RTKN: variants seen among roughly 807,000 people sequenced by gnomAD.
RTKN encodes the protein rhotekin.
A neutral mutation model predicts 63.5 loss-of-function variants in RTKN; 49 were observed. The ratio of observed to expected loss-of-function variants is 0.77; its 90% CI spans 0.61 to 0.98. The LOEUF (loss-of-function observed/expected upper bound fraction) is 0.98. RTKN is among the 50% of genes least tolerant of loss of function. The pLI, the probability that RTKN is intolerant of heterozygous loss-of-function variation, is 0.00. For synonymous variants in RTKN, 295 were observed against 290.4 expected, an observed-to-expected ratio of 1.02 and a Z score of -0.16; for missense variants, 685 against 740.8, an observed-to-expected ratio of 0.92 and a Z score of 0.87.
At chr2:74,427,360 C>G in intron 10 of RTKN, 64 bp downstream of exon 10, 1 of 1,607,620 alleles carries the variant, frequency 6.2e-7, no homozygotes, top group Non-Finnish European at 8.5e-7. Context: ...AAACAGAGGC[C>G]TTTAGTAAAA....
chr2:74,441,521 C>T (rs1671364829), intron 1 of RTKN, among the ~76,000 whole-genome samples, 185 bp downstream of exon 1: 1 of 152,240 alleles, frequency 6.6e-6, no homozygotes, highest in Non-Finnish European at 1.5e-5. Context: ...GAATGGGCAG[C>T]ATGGATCCGA....
Position 74,432,264 on chromosome 2 carries a change from A to T in RTKN, c.311+203T>A, listed in dbSNP as rs938150611. 4.3e-6 allele frequency: 3 copies of T among 704,956 alleles called. No homozygotes were observed. The South Asian group carries it at 4.5e-5, about 10-fold the overall frequency. 43.7% of individuals were successfully genotyped at this position (704,956 alleles called of 1,614,324 possible). On this transcript the variant is annotated intron_variant, in intron 2 of 11. Coordinates refer to ENST00000272430, the MANE Select transcript of RTKN (RefSeq NM_001015055.2). ...TTTCACCAGACACACCGACTTTTCT[A>T]AGTCCTGCCCTGGCTACTCACAAAT...
intron 1 of RTKN, among the ~76,000 whole-genome samples, chr2:74,438,712 C>G (rs1367746294): frequency 6.6e-6 from 1 of 152,202 alleles, no homozygotes; most frequent in Non-Finnish European, 1.5e-5. Flanking sequence ...AGGGCCTTTG[C>G]CCTTCCTCCA....
At position 74,427,208 on chromosome 2, in the gene RTKN, G is replaced by A; in HGVS notation, c.1321C>T (p.Gln441Ter). 1 of 1,614,124 alleles carries A rather than the reference G, an allele frequency of 6.2e-7. No homozygotes were observed. Among genetic ancestry groups the A allele is most frequent in the Admixed American group, 1.7e-5 (1 of 60,014 alleles). Residue 441 changes from glutamine to a stop codon, truncating the protein, a stop_gained, in exon 11 of 12, where the codon CAA becomes TAA. Coordinates refer to ENST00000272430, the MANE Select transcript of RTKN (RefSeq NM_001015055.2). LOFTEE classifies it high-confidence loss of function. ...AAGGACCCCTGCTTTGCCAGTGCTT[G>A]GGGTGGTTTCCGGGGAGCAGGAGTT... Reference protein sequence around the residue: ...IETPAPRKPPQALAKQGSLYH... With the variant: ...IETPAPRKPP
chr2:74,439,021 C>T (rs926579995), intron 1 of RTKN, among the ~76,000 whole-genome samples: 3 of 152,156 alleles, frequency 2.0e-5, no homozygotes, highest in Non-Finnish European at 2.9e-5. Flanking sequence ...CAGTGGCTCA[C>T]GCCTGTAATC....
In RTKN at chr2:74,432,568, C is replaced by G; in HGVS notation, c.210G>C (p.Glu70Asp). 2 of 1,614,040 alleles carry G rather than the reference C, an allele frequency of 1.2e-6. No homozygotes were observed. Residue 70 changes from glutamate (E) to aspartate (D), a missense_variant, in exon 2 of 12, where the codon GAG (glutamate) becomes GAC (aspartate). Transcript: ENST00000272430. ...AACSQREQAL[E>D]ATKSLLVCNS... ...TGCACACTAGCAGGCTCTTGGTGGC[C>G]TCCAGAGCCTGCTCTCGCTGGGAGC... is the stretch of plus-strand genomic sequence containing the variant.
chr2:74,428,168 G>A (rs1670520891), intron 9 of RTKN, 100 bp downstream of exon 9: 7 of 1,524,460 alleles, frequency 4.6e-6, no homozygotes, highest in Non-Finnish European at 6.3e-6. Flanking sequence ...CAGGAGGCCT[G>A]CTTCTATCTC....
chr2:74,440,203 GA>G, intron 1 of RTKN: 3 of 460,978 alleles, frequency 6.5e-6, no homozygotes, highest in Non-Finnish European at 5.8e-6. Flanking sequence ...AGAAAGTTGG[GA>G]AAAAGAGCCA....
At chr2:74,432,380 G>T (rs756040454) in intron 2 of RTKN, 87 bp downstream of exon 2, 1 of 1,265,606 alleles carries the variant, frequency 7.9e-7, no homozygotes, top group Non-Finnish European at 1.1e-6. Flanking sequence ...CTTTAAGGTG[G>T]TCCACATGCC....
Position 74,427,546 on chromosome 2 carries a change from G to A in RTKN, c.1133C>T (p.Pro378Leu), listed in dbSNP as rs1479671212. The change falls in exon 10 of 12, where the codon CCC becomes CTC. Residue 378 changes from proline to leucine, a missense_variant. Coordinates refer to ENST00000272430, the MANE Select transcript of RTKN (RefSeq NM_001015055.2). ...CTGGTTACTGATGCTTAGGGTGAAGGGCCGTCCTAGAGCCTGGTCCAGCTC... is the reference window on the plus strand; with the variant it reads ...CTGGTTACTGATGCTTAGGGTGAAGAGCCGTCCTAGAGCCTGGTCCAGCTC... ...AGELDQALGR[P>L]FTLSISNQYG... 2.5e-6 allele frequency: 4 copies of A among 1,613,740 alleles called. No individual in the cohort carries two copies. The highest frequency in any genetic ancestry group is 3.4e-6 in the Non-Finnish European group (4 of 1,180,030).
rs749234753 is a variant in RTKN, at chr2:74,426,395, C to A, written c.1540G>T (p.Gly514Trp). 2.5e-6 allele frequency: 4 copies of A among 1,611,690 alleles called. No individual in the cohort carries two copies. The Admixed American group carries it at 6.7e-5, about 27-fold the overall frequency. Residue 514 changes from glycine (G) to tryptophan (W), a missense_variant, in exon 12 of 12, where the codon GGG becomes TGG. Physicochemically the swap from Gly to Trp is radical, Grantham distance 184 (BLOSUM62 -2). Coordinates refer to ENST00000272430, the MANE Select transcript of RTKN (RefSeq NM_001015055.2). ...TCCAGGGAAAAGGTTCGGGGTCTCCCCCAGGGCAGGGGGTGGGTCCAGTCT... is the reference window on the plus strand; with the variant it reads ...TCCAGGGAAAAGGTTCGGGGTCTCCACCAGGGCAGGGGGTGGGTCCAGTCT... The part of the protein sequence containing the change: ...APDWTHPLPW[G>W]RPRTFSLDAV...
intron 2 of RTKN, chr2:74,431,977 C>G (rs1408453080): frequency 4.4e-6 from 1 of 228,866 alleles, no homozygotes; most frequent in Non-Finnish European, 8.8e-6. Flanking sequence ...GAAGCTGAGC[C>G]CTTTTAGAAT....
rs1346924112 is a variant in RTKN at position 74,436,443 on chromosome 2, C to G, written c.112-3777G>C. ...TCCGGGCACCTGGCTGGGCTTGGCT[C>G]AAGGCGGTGCCTCCACCGAGACTCC... On this transcript the variant is annotated intron_variant, in intron 1 of 11. Coordinates refer to ENST00000272430, the MANE Select transcript of RTKN (RefSeq NM_001015055.2). This position sits in a 1 kb window ranked among gnomAD's most constrained non-coding sequence, Gnocchi z 4.3. Among the ~76,000 whole-genome samples, 1 of 151,602 alleles carries G rather than the reference C, an allele frequency of 6.6e-6. No homozygotes were observed. The highest frequency in any genetic ancestry group is 1.5e-5 in the Non-Finnish European group (1 of 67,800).
chr2:74,430,488 G>A lies in RTKN; in HGVS notation c.404C>T (p.Thr135Ile). The change falls in exon 4 of 12, where the codon ACA (threonine) becomes ATA (isoleucine). Residue 135 changes from threonine (T) to isoleucine (I), a missense_variant. By Grantham distance (89) the Thr-to-Ile change is moderately conservative. Coordinates refer to ENST00000272430, the MANE Select transcript of RTKN (RefSeq NM_001015055.2). ...ACCACCTTTGTTCTTGAAATATTCT[G>A]TGTCCTTCCACATGAGTGGAATCCG... Reference protein sequence around the residue: ...DLRIPLMWKDTEYFKNKGDLH... With the variant: ...DLRIPLMWKDIEYFKNKGDLH... 6.2e-7 allele frequency: 1 copy of A among 1,614,208 alleles called. No individual in the cohort carries two copies. The highest frequency in any genetic ancestry group is 1.3e-5 in the African/African-American group (1 of 75,044).
intron 1 of RTKN, among the ~76,000 whole-genome samples, chr2:74,433,778 C>G (rs1015148854): frequency 1.3e-5 from 2 of 152,176 alleles, no homozygotes; most frequent in African/African-American, 4.8e-5. Flanking sequence ...CAGGCGTGAG[C>G]CACCGCGCCC....
In RTKN at chr2:74,427,445, A is replaced by G; in HGVS notation, c.1234T>C (p.Trp412Arg). 6.2e-7 allele frequency: 1 copy of G among 1,614,190 alleles called. No homozygotes were observed. Residue 412 changes from tryptophan (W) to arginine (R), a missense_variant, in exon 10 of 12, where the codon TGG becomes CGG. Physicochemically the swap from Trp to Arg is moderately radical, Grantham distance 101. Transcript: ENST00000272430. Reference sequence around the variant, plus strand: ...TTACTCATGTCAAAGAAAAGCTGCCACAGAGCCTCCATCCAGCTCTGCAGT... The same window carrying G: ...TTACTCATGTCAAAGAAAAGCTGCCGCAGAGCCTCCATCCAGCTCTGCAGT... ...EALQSWMEALWQLFFDMSQWK... is the reference protein window; with the variant it reads ...EALQSWMEALRQLFFDMSQWK...
At chr2:74,440,527 C>T (rs933425388) in intron 1 of RTKN, 287 of 986,214 alleles carry the variant, frequency 2.9e-4, no homozygotes, top group Non-Finnish European at 3.1e-4. Context: ...CGGAGTCACA[C>T]TTCACTCGGC....
intron 1 of RTKN, chr2:74,440,076 G>A: frequency 1.3e-6 from 1 of 795,168 alleles, no homozygotes; most frequent in Non-Finnish European, 1.6e-6. Flanking sequence ...TGCGGAGAGG[G>A]CAGTGAGGGG....
chr2:74,430,150 C>T (rs1670664311), intron 5 of RTKN, 102 bp downstream of exon 5: 2 of 1,489,472 alleles, frequency 1.3e-6, no homozygotes, highest in Admixed American at 1.7e-5. Flanking sequence ...AGGTGCCCCT[C>T]CTCTCCACCC....
Sources: gnomAD v4.1 joint callset for allele counts (sites outside exome capture counted in the v4.1 genomes callset) on GRCh38, gnomAD v4.1.1 for gene constraint, Gnocchi (gnomAD v3.1) non-coding constraint, MANE v1.5 for transcripts, NCBI Gene and HGNC (gene_info 2026-07-23, HGNC 2026-07-21) for gene names.